CDH13: variants seen among roughly 807,000 people sequenced by gnomAD.
CDH13 encodes cadherin 13, also known as cadherin-13.
In CDH13, 24 loss-of-function variants were observed where a neutral mutation model predicts 63.8. That is an observed-to-expected ratio of 0.38 (90% CI 0.27 to 0.53). The LOEUF (loss-of-function observed/expected upper bound fraction) is 0.53, where lower values mean the gene tolerates loss of function less well. Among genes scored for constraint, CDH13 ranks in the 20% least tolerant of loss-of-function variants. The pLI, the probability that CDH13 is intolerant of heterozygous loss-of-function variation, is 0.85. For synonymous variants in CDH13, 503 were observed against 355.3 expected (o/e 1.42, Z -4.67); for missense variants, 1,049 against 903.1 (o/e 1.16, Z -2.07).
chr16:83,291,297 G>A (rs986130218), intron 5 of CDH13, among the ~76,000 whole-genome samples: 2 of 151,968 alleles, frequency 1.3e-5, no homozygotes, highest in African/African-American at 4.8e-5. Context: ...ATATATTCAG[G>A]GGGTTCTACT....
At chr16:83,450,680 C>T (rs2072862858) in intron 6 of CDH13, among the ~76,000 whole-genome samples, 1 of 152,116 alleles carries the variant, frequency 6.6e-6, no homozygotes, top group Admixed American at 6.5e-5. Flanking sequence ...GCCATCCTGG[C>T]TAACATAGTG....
At position 83,344,953 on chromosome 16, in the gene CDH13, C is replaced by T; in HGVS notation, c.728C>T (p.Pro243Leu). The T allele has an allele frequency of 1.2e-6, 2 of 1,613,982 alleles. No individual in the cohort carries two copies. The highest frequency in any genetic ancestry group is 1.7e-6 in the Non-Finnish European group (2 of 1,179,852). Residue 243 changes from proline to leucine, a missense_variant, in exon 6 of 14, where the codon CCG becomes CTG. Transcript: ENST00000567109. ...VIVIDQNDNRPIFREGPYIGH... is the reference protein window; with the variant it reads ...VIVIDQNDNRLIFREGPYIGH... ...GTGATTGATCAGAATGACAACCGAC[C>T]GATCTTTCGGGAAGGCCCCTACATC...
intron 9 of CDH13, among the ~76,000 whole-genome samples, chr16:83,672,028 G>A (rs533649814): frequency 6.6e-6 from 1 of 152,204 alleles, no homozygotes; most frequent in Admixed American, 6.5e-5. Flanking sequence ...CCATTTGCCT[G>A]AGCAGCAGGG....
chr16:83,405,649 T>C (rs1343166306), intron 6 of CDH13, among the ~76,000 whole-genome samples: 1 of 152,254 alleles, frequency 6.6e-6, no homozygotes, highest in Admixed American at 6.5e-5. Context: ...GATAATCTGT[T>C]ACAGCCGTAG....
At chr16:83,629,998 C>T (rs1156327918) in intron 8 of CDH13, among the ~76,000 whole-genome samples, 1 of 152,176 alleles carries the variant, frequency 6.6e-6, no homozygotes, top group Admixed American at 6.5e-5. Flanking sequence ...GCCCTGATAC[C>T]ACCCTTACTT....
intron 2 of CDH13, among the ~76,000 whole-genome samples, chr16:82,940,008 A>G (rs185478791): frequency 2.0e-5 from 3 of 152,280 alleles, no homozygotes; most frequent in Admixed American, 2.0e-4. Context: ...GAGAATGAGA[A>G]CCAAATGAAA....
intron 1 of CDH13, among the ~76,000 whole-genome samples, chr16:82,783,498 G>C (rs541940225): frequency 6.6e-6 from 1 of 152,352 alleles, no homozygotes; most frequent in East Asian, 1.9e-4. Context: ...TGAGCCCCAG[G>C]AGGTGGGGTC....
chr16:83,551,167 C>T (rs932119310), intron 7 of CDH13, among the ~76,000 whole-genome samples: 10 of 152,018 alleles, frequency 6.6e-5, no homozygotes, highest in East Asian at 3.9e-4. Context: ...CTGCAAACTC[C>T]GCCTCCCGGG....
intron 6 of CDH13, among the ~76,000 whole-genome samples, chr16:83,442,459 C>G (rs1290406905): frequency 6.6e-6 from 1 of 152,210 alleles, no homozygotes; most frequent in African/African-American, 2.4e-5. Context: ...TTTCTGGATG[C>G]TGATGCTTTT....
At chr16:83,738,338 T>C (rs9932947) in intron 10 of CDH13, among the ~76,000 whole-genome samples, 47,638 of 152,152 alleles carry the variant, frequency 0.31, 8,042 homozygotes, top group Middle Eastern at 0.38. Flanking sequence ...TAAAAACGTG[T>C]GTGTTTATGT....
chr16:83,440,620 A>C (rs1365916065), intron 6 of CDH13, among the ~76,000 whole-genome samples: 2 of 152,056 alleles, frequency 1.3e-5, no homozygotes, highest in Non-Finnish European at 2.9e-5. Flanking sequence ...CCGTATCTCT[A>C]CTAAAAATAC....
intron 2 of CDH13, among the ~76,000 whole-genome samples, chr16:82,894,793 CAG>C (rs1314541009): frequency 1.3e-5 from 2 of 152,180 alleles, no homozygotes; most frequent in Non-Finnish European, 2.9e-5. Context: ...TTGAGGGAGA[CAG>C]AAATAAAATG....
At chr16:83,300,625 G>A (rs914546874) in intron 5 of CDH13, among the ~76,000 whole-genome samples, 3 of 152,210 alleles carry the variant, frequency 2.0e-5, no homozygotes, top group African/African-American at 4.8e-5. Context: ...CAACATGAAT[G>A]TAGTTCTGCC....
rs546899196 is a variant in CDH13, at chr16:83,571,523, C to G, written c.961-30931C>G. 2.6e-5 allele frequency among the ~76,000 whole-genome samples: 4 copies of G among 152,242 alleles called. No homozygotes were observed. The East Asian group carries it at 5.8e-4, about 22-fold the overall frequency. ...AAATTTGAAAGAATGATCTTGAACA[C>G]GAGATAACAGGCCCCGAGTTTGTAC... On this transcript the variant is annotated intron_variant, in intron 7 of 13. Coordinates refer to ENST00000567109, the MANE Select transcript of CDH13 (RefSeq NM_001257.5).
chr16:83,663,062 A>G (rs930362999), intron 8 of CDH13, among the ~76,000 whole-genome samples: 2 of 152,216 alleles, frequency 1.3e-5, no homozygotes, highest in African/African-American at 4.8e-5. Context: ...CCAAATGACA[A>G]AAAATGGCCA....
At chr16:83,606,831 C>T (rs573842258) in intron 8 of CDH13, among the ~76,000 whole-genome samples, 3 of 151,642 alleles carry the variant, frequency 2.0e-5, no homozygotes, top group East Asian at 3.9e-4. Flanking sequence ...GCCGCCCTCA[C>T]GGCTGCCTTG....
At chr16:83,169,257 A>T (rs1223184733) in intron 4 of CDH13, among the ~76,000 whole-genome samples, 1 of 151,328 alleles carries the variant, frequency 6.6e-6, no homozygotes, top group East Asian at 1.9e-4. Flanking sequence ...GCTCACTGCA[A>T]CCTCCACCTC....
chr16:83,157,100 G>T (rs1328937216), intron 4 of CDH13, among the ~76,000 whole-genome samples: 1 of 152,132 alleles, frequency 6.6e-6, no homozygotes. Flanking sequence ...TTCTCAGTCA[G>T]GTTTCTTATT....
intron 1 of CDH13, among the ~76,000 whole-genome samples, chr16:82,821,409 G>T (rs937583532): frequency 6.6e-6 from 1 of 152,168 alleles, no homozygotes; most frequent in Admixed American, 6.5e-5. Flanking sequence ...CTTGAAGTTG[G>T]CCTATGCCCC....
Sources: allele counts gnomAD v4.1 joint callset (sites outside exome capture counted in the v4.1 genomes callset), GRCh38; gene constraint gnomAD v4.1.1; transcripts MANE v1.5; gene names NCBI Gene and HGNC (gene_info 2026-07-23, HGNC 2026-07-21).